Variants in DENND3 observed in about 807,000 individuals in gnomAD.
DENND3 encodes the protein DENN domain containing 3.
A neutral mutation model predicts 135.1 loss-of-function variants in DENND3; 88 were observed. The observed-to-expected ratio is 0.65, with a 90% CI of 0.55 to 0.78. The LOEUF is 0.78. Ranked by LOEUF, DENND3 falls within the 30% of genes least tolerant of loss-of-function variation. DENND3 has a pLI of 0.00. For synonymous variants in DENND3, 693 were observed against 712.3 expected, an observed-to-expected ratio of 0.97 and a Z score of 0.43; for missense variants, 1,392 against 1,688.4, an observed-to-expected ratio of 0.82 and a Z score of 3.08.
At chr8:141,155,724 G>A (rs1015398320) in intron 7 of DENND3, 125 bp from the exon 8 acceptor site, 43 of 1,269,326 alleles carry the variant, frequency 3.4e-5, no homozygotes, top group Non-Finnish European at 4.3e-5. Flanking sequence ...GCATTTTAAA[G>A]AGGGTCATTT....
At chr8:141,180,662 C>A in intron 16 of DENND3, 85 bp from the exon 17 acceptor site, 1 of 1,243,038 alleles carries the variant, frequency 8.0e-7, no homozygotes, top group Non-Finnish European at 1.1e-6. Context: ...TGATATTCTG[C>A]AGAAATCAGA....
Position 141,145,476 on chromosome 8 carries a change from C to T in DENND3, c.735+1217C>T, listed in dbSNP as rs548646841. Among the ~76,000 whole-genome samples the T allele has an allele frequency of 9.2e-5, 14 of 152,258 alleles. No individual in the cohort carries two copies. In the East Asian group the frequency reaches 2.5e-3, roughly 27 times the overall value. On this transcript the variant is annotated intron_variant, in intron 5 of 22. Coordinates refer to ENST00000519811, the MANE Select transcript of DENND3 (RefSeq NM_001352890.3). Reference sequence around the variant, plus strand: ...ACTCTTTAGACTGTTCCCTAGGCCACGGTCACTCAGAATAAACCCCTTTAA... The same window carrying T: ...ACTCTTTAGACTGTTCCCTAGGCCATGGTCACTCAGAATAAACCCCTTTAA...
intron 19 of DENND3, among the ~76,000 whole-genome samples, chr8:141,190,041 C>T (rs998694000): frequency 3.3e-5 from 5 of 151,980 alleles, no homozygotes; most frequent in African/African-American, 9.7e-5. Context: ...CTTTTCCTGC[C>T]GAGTCAGTTA....
At position 141,128,781 on chromosome 8, in the gene DENND3, C is replaced by G. The variant is rs1815497653; in HGVS notation, c.74C>G (p.Pro25Arg). The change falls in exon 1 of 23, where the codon CCC (proline) becomes CGC (arginine). Residue 25 changes from proline to arginine, a missense_variant. Physicochemically the swap from Pro to Arg is moderately radical, Grantham distance 103. Coordinates refer to ENST00000519811, the MANE Select transcript of DENND3 (RefSeq NM_001352890.3). The surrounding 1 kb of genome is among the most constrained non-coding windows in gnomAD (Gnocchi z 4.5). ...GAGCTCTGCGCGCTGCTGGGCGCCC[C>G]CCGGGACAGTCTCCGAAGTCTCGAG... ...LLELCALLGA[P>R]RDSLRSLEQV... 2 of 1,462,462 alleles carry G rather than the reference C, an allele frequency of 1.4e-6. No homozygotes were observed. The highest frequency in any genetic ancestry group is 1.8e-6 in the Non-Finnish European group (2 of 1,108,272). 90.6% of individuals were successfully genotyped at this position (1,462,462 alleles called of 1,614,324 possible).
chr8:141,142,152 C>T (rs1817541699), intron 4 of DENND3: 1 of 336,092 alleles, frequency 3.0e-6, no homozygotes, highest in Admixed American at 4.3e-5. Flanking sequence ...ACCCAGTGGG[C>T]TCTCATTATC....
Position 141,166,328 on chromosome 8 carries a change from G to C in DENND3, c.1692G>C (p.Leu564=). 1.2e-6 allele frequency: 2 copies of C among 1,613,796 alleles called. No homozygotes were observed. The highest frequency in any genetic ancestry group is 1.7e-6 in the Non-Finnish European group (2 of 1,180,020). Residue 564 remains leucine, a synonymous_variant, in exon 12 of 23, where the codon CTG becomes CTC. Coordinates refer to ENST00000519811, the MANE Select transcript of DENND3 (RefSeq NM_001352890.3). The surrounding 1 kb of genome is among the most constrained non-coding windows in gnomAD (Gnocchi z 4.3). ...PNLQDIAMPE[L]APRNSSLRLT... is the part of the protein sequence containing the mutation. The stretch of plus-strand genomic sequence containing the variant: ...TGCAGGACATTGCCATGCCTGAGCT[G>C]GCACCCAGGAACTCCTCGCTCCGGC...
intron 4 of DENND3, chr8:141,143,142 C>T (rs988298914): frequency 1.3e-5 from 2 of 152,030 alleles, no homozygotes; most frequent in Non-Finnish European, 1.5e-5. Context: ...TATGACAACA[C>T]GAATTTGTAG....
intron 1 of DENND3, among the ~76,000 whole-genome samples, chr8:141,129,354 C>G (rs1815639444): frequency 6.6e-6 from 1 of 152,170 alleles, no homozygotes; most frequent in Non-Finnish European, 1.5e-5. Context: ...CCGCCGGCCT[C>G]GCGTATTCTG....
chr8:141,160,208 C>T (rs1453961419), intron 8 of DENND3, among the ~76,000 whole-genome samples: 15 of 147,408 alleles, frequency 1.0e-4, no homozygotes, highest in African/African-American at 2.8e-4. Flanking sequence ...GACAGAGTTT[C>T]GCTCCTGTTG....
intron 13 of DENND3, among the ~76,000 whole-genome samples, chr8:141,172,118 C>T (rs403509): frequency 2.0e-3 from 249 of 123,334 alleles, no homozygotes; most frequent in African/African-American, 6.8e-3. Context: ...CGGTGGTGGG[C>T]GTGCACGGTG....
At chr8:141,159,313 C>G (rs1348997401) in intron 8 of DENND3, among the ~76,000 whole-genome samples, 1 of 152,226 alleles carries the variant, frequency 6.6e-6, no homozygotes, top group Non-Finnish European at 1.5e-5. Context: ...CCCTTCCCAT[C>G]ACAGAGAAGA....
intron 4 of DENND3, chr8:141,142,183 T>C: frequency 2.9e-6 from 1 of 339,792 alleles, no homozygotes; most frequent in Non-Finnish European, 5.8e-6. Context: ...TTTGTGATGT[T>C]GGGGGCTGTA....
chr8:141,193,033 T>C, intron 22 of DENND3: 1 of 580,644 alleles, frequency 1.7e-6, no homozygotes, highest in South Asian at 2.2e-5. Flanking sequence ...CACCCGCTCA[T>C]GTGGCCGCCG....
At chr8:141,135,877 A>G (rs889610570) in intron 1 of DENND3, among the ~76,000 whole-genome samples, 1 of 152,210 alleles carries the variant, frequency 6.6e-6, no homozygotes, top group African/African-American at 2.4e-5. Context: ...GGAAGGGCAC[A>G]TGTCTCATCT....
At chr8:141,192,300 C>G (rs1569557180) in intron 20 of DENND3, 31 bp from the exon 21 acceptor site, 1 of 1,612,064 alleles carries the variant, frequency 6.2e-7, no homozygotes. Flanking sequence ...ATGACACTGC[C>G]TGGCCCCATC....
Position 141,194,014 on chromosome 8 carries a change from T to A in DENND3, c.3637-19T>A, listed in dbSNP as rs1825109465. On this transcript the variant is annotated intron_variant, in intron 22 of 22. Transcript: ENST00000519811. ...AGGGGCTTCTTTCCCTGCTGACCCC[T>A]CCCGTTTCTCCCTGGCAGGTCTGGG... is the stretch of plus-strand genomic sequence containing the variant. 6.2e-7 allele frequency: 1 copy of A among 1,611,062 alleles called. No individual in the cohort carries two copies. The highest frequency in any genetic ancestry group is 8.5e-7 in the Non-Finnish European group (1 of 1,179,336).
chr8:141,179,719 C>G (rs754905927), intron 16 of DENND3, among the ~76,000 whole-genome samples: 2 of 152,242 alleles, frequency 1.3e-5, no homozygotes, highest in South Asian at 2.1e-4. Context: ...GAGTCCTGGT[C>G]GACCCCTTGC....
chr8:141,156,865 C>A (rs543625736), intron 8 of DENND3, among the ~76,000 whole-genome samples: 5 of 144,812 alleles, frequency 3.5e-5, no homozygotes, highest in African/African-American at 1.3e-4. Flanking sequence ...AATTTTGGCT[C>A]ACTGCAACCT....
At chr8:141,150,803 C>A in intron 5 of DENND3, 31 bp from the exon 6 acceptor site, 2 of 1,571,858 alleles carry the variant, frequency 1.3e-6, no homozygotes, top group South Asian at 2.4e-5. Flanking sequence ...GAGCAGCTCT[C>A]TGAACTAATG....
Sources: allele counts gnomAD v4.1 joint callset (sites outside exome capture counted in the v4.1 genomes callset), GRCh38; gene constraint gnomAD v4.1.1; non-coding constraint Gnocchi (gnomAD v3.1); transcripts MANE v1.5; gene names NCBI Gene and HGNC (gene_info 2026-07-23, HGNC 2026-07-21).